CAPN8: variants seen among roughly 807,000 people sequenced by gnomAD.
CAPN8 encodes the protein calpain 8, also known as calpain-8.
A neutral mutation model predicts 80.9 loss-of-function variants in CAPN8; 87 were observed. That is an observed-to-expected ratio of 1.07 (90% CI 0.90 to 1.28). The LOEUF is 1.28. Ranked by LOEUF, CAPN8 falls within the 50% of genes most tolerant of loss-of-function variation. The pLI is 0.00. For missense variants in CAPN8, 757 were observed against 702.0 expected (o/e 1.08, Z -0.89); for synonymous variants, 299 against 273.8 (o/e 1.09, Z -0.91).
intron 17 of CAPN8, 26 bp downstream of exon 17, chr1:223,545,205 G>T: frequency 1.3e-6 from 2 of 1,551,670 alleles, no homozygotes; most frequent in Non-Finnish European, 1.7e-6. Context: ...CAGAGGAGAG[G>T]ATGCCCAGAA....
rs767761440 is a variant in CAPN8 at position 223,615,961 on chromosome 1, C to T, written c.1311+9G>A. The T allele has an allele frequency of 6.9e-5, 107 of 1,552,062 alleles. No individual in the cohort carries two copies. The highest frequency in any genetic ancestry group is 8.6e-5 in the Non-Finnish European group (99 of 1,147,094). On this transcript the variant is annotated intron_variant, in intron 10 of 20. Coordinates refer to ENST00000366872, the MANE Select transcript of CAPN8 (RefSeq NM_001143962.2). Reference sequence around the variant, plus strand: ...TGTATAATGAAGGACAAACCCAGCACAGCAGTACCTGGTAGACGGCATAGC... The same window carrying T: ...TGTATAATGAAGGACAAACCCAGCATAGCAGTACCTGGTAGACGGCATAGC...
At chr1:223,652,328 C>A (rs1658364267) in intron 2 of CAPN8, among the ~76,000 whole-genome samples, 1 of 151,866 alleles carries the variant, frequency 6.6e-6, no homozygotes, top group African/African-American at 2.4e-5. Context: ...GGAGACAGAG[C>A]CAGGCCCTGT....
chr1:223,629,908 T>C (rs1363494391), intron 2 of CAPN8, among the ~76,000 whole-genome samples: 1 of 152,210 alleles, frequency 6.6e-6, no homozygotes, highest in East Asian at 1.9e-4. Context: ...ATCTTTTCCA[T>C]ATCAAAGATC....
intron 2 of CAPN8, among the ~76,000 whole-genome samples, chr1:223,647,235 T>C (rs1376595981): frequency 1.3e-5 from 2 of 152,190 alleles, no homozygotes; most frequent in Non-Finnish European, 2.9e-5. Context: ...TGCATTGTGA[T>C]AGAAAAGTAG....
At chr1:223,551,332 G>T (rs567519816) in intron 14 of CAPN8, among the ~76,000 whole-genome samples, 2 of 152,208 alleles carry the variant, frequency 1.3e-5, no homozygotes, top group East Asian at 1.9e-4. Flanking sequence ...TAGTAGAGAC[G>T]GGGTTTCACC....
Position 223,545,316 on chromosome 1 carries a change from C to T in CAPN8, c.1765-17G>A, listed in dbSNP as rs1286195056. On this transcript the variant is annotated splice_polypyrimidine_tract_variant and intron_variant, in intron 16 of 20. Coordinates refer to ENST00000366872, the MANE Select transcript of CAPN8 (RefSeq NM_001143962.2). ...TCCATTGCTCTAGGCACATTAAAGA[C>T]CAACATGATTGAGTCCAAATTCTAC... 5.2e-6 allele frequency: 8 copies of T among 1,551,520 alleles called. No homozygotes were observed. The highest frequency in any genetic ancestry group is 2.0e-5 in the Admixed American group (1 of 50,998).
rs1657169616 is a variant in CAPN8 at position 223,616,042 on chromosome 1, C to T, written c.1239G>A (p.Leu413=). ...GEPCCTVLLG[L]MQKNRRWRKR... Reference sequence around the variant, plus strand: ...TCCGCCACCTGCGATTTTTCTGCATCAGGCCCAGCAGCACTGTACAGCAGG... The same window carrying T: ...TCCGCCACCTGCGATTTTTCTGCATTAGGCCCAGCAGCACTGTACAGCAGG... Residue 413 remains leucine (L), a synonymous_variant, in exon 10 of 21, where the codon CTG becomes CTA. Transcript: ENST00000366872. 6.4e-7 allele frequency: 1 copy of T among 1,552,204 alleles called. No individual in the cohort carries two copies. Among genetic ancestry groups the T allele is most frequent in the Non-Finnish European group, 8.7e-7 (1 of 1,147,130 alleles).
At chr1:223,656,668 G>GTT (rs1331913444) in intron 1 of CAPN8, among the ~76,000 whole-genome samples, 2,233 of 94,508 alleles carry the variant, frequency 0.024, 239 homozygotes, top group South Asian at 0.046. Flanking sequence ...CACGTTTTGG[G>GTT]TTTTTTTGTT....
intron 10 of CAPN8, among the ~76,000 whole-genome samples, chr1:223,614,851 C>G (rs1014974367): frequency 6.6e-6 from 1 of 152,234 alleles, no homozygotes; most frequent in African/African-American, 2.4e-5. Flanking sequence ...CAGAGTCTGG[C>G]TTTGTGCTAC....
intron 2 of CAPN8, among the ~76,000 whole-genome samples, chr1:223,652,696 C>T (rs2404354): frequency 0.19 from 28,767 of 151,970 alleles, 3,891 homozygotes; most frequent in African/African-American, 0.37. Context: ...GGCAAAGGCT[C>T]AGTCTGCACC....
At chr1:223,615,176 C>A (rs1030379574) in intron 10 of CAPN8, among the ~76,000 whole-genome samples, 1 of 152,200 alleles carries the variant, frequency 6.6e-6, no homozygotes, top group African/African-American at 2.4e-5. Context: ...GGCCTCCAGA[C>A]AGCTCTTGGT....
chr1:223,546,504 G>A lies in CAPN8; in HGVS notation c.1765-1205C>T, dbSNP rs182550085. Among the ~76,000 whole-genome samples the A allele has an allele frequency of 3.0e-4, 45 of 152,266 alleles. No individual in the cohort carries two copies. In the South Asian group the frequency reaches 8.7e-3, roughly 29 times the overall value. On this transcript the variant is annotated intron_variant, in intron 16 of 20. Transcript: ENST00000366872. ...GTCTGTGTTCTTGGATCTATAATCCGCACTGAGTGTTGAATGCATCATAGC... is the reference window on the plus strand; with the variant it reads ...GTCTGTGTTCTTGGATCTATAATCCACACTGAGTGTTGAATGCATCATAGC...
intron 1 of CAPN8, among the ~76,000 whole-genome samples, chr1:223,661,092 G>C (rs1176374538): frequency 2.6e-5 from 4 of 151,624 alleles, no homozygotes; most frequent in Non-Finnish European, 5.9e-5. Flanking sequence ...CTTGATTCTA[G>C]GAGGCAGAGG....
intron 11 of CAPN8, among the ~76,000 whole-genome samples, chr1:223,611,051 C>T (rs764255472): frequency 3.3e-5 from 5 of 152,138 alleles, no homozygotes; most frequent in Non-Finnish European, 5.9e-5. Flanking sequence ...AGCACAGGAT[C>T]CAGGGTGACA....
chr1:223,655,195 C>T (rs1658451422), intron 1 of CAPN8, among the ~76,000 whole-genome samples: 1 of 152,098 alleles, frequency 6.6e-6, no homozygotes. Flanking sequence ...TGTGGGCACT[C>T]GTTAAAGTCT....
chr1:223,550,024 C>A (rs931623196), intron 15 of CAPN8, among the ~76,000 whole-genome samples: 8 of 152,176 alleles, frequency 5.3e-5, no homozygotes, highest in Admixed American at 2.6e-4. Context: ...CTTGTAATCA[C>A]AACACACAGC....
At chr1:223,659,056 T>C (rs1658569748) in intron 1 of CAPN8, among the ~76,000 whole-genome samples, 1 of 152,218 alleles carries the variant, frequency 6.6e-6, no homozygotes, top group Non-Finnish European at 1.5e-5. Flanking sequence ...TTAGTAACAC[T>C]GTTTTCTATT....
chr1:223,542,075 C>T (rs547689844), intron 20 of CAPN8, among the ~76,000 whole-genome samples: 2 of 152,064 alleles, frequency 1.3e-5, no homozygotes, highest in South Asian at 4.2e-4. Context: ...GCTCTAGACC[C>T]AAAGGGAGCT....
intron 11 of CAPN8, among the ~76,000 whole-genome samples, chr1:223,611,303 C>T (rs551177425): frequency 6.6e-6 from 1 of 152,370 alleles, no homozygotes; most frequent in East Asian, 1.9e-4. Flanking sequence ...CTCCATGAGA[C>T]ATACCCACCA....
Sources: allele counts gnomAD v4.1 joint callset (sites outside exome capture counted in the v4.1 genomes callset), GRCh38; gene constraint gnomAD v4.1.1; transcripts MANE v1.5; gene names NCBI Gene and HGNC (gene_info 2026-07-23, HGNC 2026-07-21).